Variants in CFAP20DC observed in about 807,000 individuals in gnomAD.
The protein encoded by CFAP20DC is protein CFAP20DC.
Under a neutral mutation model 101.7 loss-of-function variants are expected in CFAP20DC, and 84 were observed. That is an observed-to-expected ratio of 0.83 (90% CI 0.69 to 0.99). CFAP20DC has a LOEUF of 0.99. CFAP20DC is among the 50% of genes least tolerant of loss of function. The pLI, the probability that CFAP20DC is intolerant of heterozygous loss-of-function variation, is 0.00. For synonymous variants in CFAP20DC, 359 were observed against 351.2 expected (o/e 1.02, Z -0.25); for missense variants, 1,007 against 970.3 (o/e 1.04, Z -0.50).
At chr3:58,783,503 T>C (rs2072032372) in intron 15 of CFAP20DC, among the ~76,000 whole-genome samples, 1 of 149,336 alleles carries the variant, frequency 6.7e-6, no homozygotes, top group African/African-American at 2.5e-5. Flanking sequence ...AAAACAAGAG[T>C]GAAGAGACAA....
intron 4 of CFAP20DC, among the ~76,000 whole-genome samples, chr3:59,026,039 A>C (rs1390639015): frequency 1.3e-5 from 2 of 152,160 alleles, no homozygotes; most frequent in Non-Finnish European, 2.9e-5. Flanking sequence ...CATAAAACCT[A>C]TTTTAAGGCA....
In CFAP20DC at chr3:59,006,574, AC is replaced by A. The variant is rs1304379928; in HGVS notation, c.278+32982del. Among the ~76,000 whole-genome samples the A allele has an allele frequency of 1.3e-5, 2 of 152,208 alleles. No homozygotes were observed. The highest frequency in any genetic ancestry group is 2.4e-5 in the African/African-American group (1 of 41,458). On this transcript the variant is annotated intron_variant, in intron 4 of 16. Transcript: ENST00000482387. This position sits in a 1 kb window ranked among gnomAD's most constrained non-coding sequence, Gnocchi z 4.3. ...ATCCAGATCACGGGAGAAGGACTTAACCTTACCTACAGCTAAAACAGATTTG... is the reference window on the plus strand; with the variant it reads ...ATCCAGATCACGGGAGAAGGACTTAACTTACCTACAGCTAAAACAGATTTG...
At chr3:59,037,991 C>G (rs1007159159) in intron 4 of CFAP20DC, among the ~76,000 whole-genome samples, 5 of 152,076 alleles carry the variant, frequency 3.3e-5, no homozygotes, top group South Asian at 2.1e-4. Flanking sequence ...ATGGATGAAG[C>G]TGGAAACCAT....
chr3:58,933,622 T>C (rs2087057990), intron 5 of CFAP20DC, among the ~76,000 whole-genome samples: 1 of 152,076 alleles, frequency 6.6e-6, no homozygotes, highest in Admixed American at 6.6e-5. Flanking sequence ...AGAAACTCAC[T>C]CAAAACCACT....
intron 3 of CFAP20DC, among the ~76,000 whole-genome samples, chr3:58,720,460 G>A (rs184381937): frequency 2.0e-4 from 31 of 152,196 alleles, no homozygotes; most frequent in African/African-American, 7.2e-4. Flanking sequence ...AATACTCCCT[G>A]GGCTCTAAGG....
intron 4 of CFAP20DC, among the ~76,000 whole-genome samples, chr3:58,995,361 T>G (rs548599550): frequency 2.5e-3 from 312 of 122,554 alleles, no homozygotes; most frequent in Middle Eastern, 7.4e-3. Context: ...GAAATGATTG[T>G]CAAAAATATC....
chr3:58,730,459 T>C (rs1445486511), intron 3 of CFAP20DC, among the ~76,000 whole-genome samples: 1 of 152,076 alleles, frequency 6.6e-6, no homozygotes, highest in Non-Finnish European at 1.5e-5. Flanking sequence ...TAAGAAATGA[T>C]GGTGGTAGTG....
chr3:58,978,656 C>A (rs976296798), intron 4 of CFAP20DC, among the ~76,000 whole-genome samples: 1 of 150,674 alleles, frequency 6.6e-6, no homozygotes, highest in African/African-American at 2.5e-5. Context: ...TTGCAGTGGG[C>A]CAAGATCGCC....
intron 12 of CFAP20DC, among the ~76,000 whole-genome samples, chr3:58,854,890 A>C (rs1361717920): frequency 1.4e-5 from 2 of 145,348 alleles, no homozygotes; most frequent in Non-Finnish European, 3.0e-5. Context: ...ACCCTAGAAG[A>C]AAACCTAGGC....
intron 15 of CFAP20DC, among the ~76,000 whole-genome samples, chr3:58,804,163 A>G (rs150012958): frequency 1.3e-3 from 201 of 152,270 alleles, no homozygotes; most frequent in African/African-American, 4.4e-3. Context: ...AGAGCATGCA[A>G]CTCAACTCCT....
intron 4 of CFAP20DC, among the ~76,000 whole-genome samples, chr3:58,957,834 G>C (rs2090778285): frequency 1.3e-5 from 2 of 152,144 alleles, no homozygotes; most frequent in Non-Finnish European, 2.9e-5. Flanking sequence ...TAGAAGGATA[G>C]TTACTAGAGG....
At chr3:58,762,278 T>G (rs949860104) in intron 15 of CFAP20DC, among the ~76,000 whole-genome samples, 1 of 152,212 alleles carries the variant, frequency 6.6e-6, no homozygotes, top group Non-Finnish European at 1.5e-5. Flanking sequence ...ATTGATCCCT[T>G]TACCATTATG....
intron 6 of CFAP20DC, among the ~76,000 whole-genome samples, chr3:58,887,195 A>C (rs956375599): frequency 6.6e-6 from 1 of 152,222 alleles, no homozygotes; most frequent in Admixed American, 6.5e-5. Flanking sequence ...TGTTTTGTCC[A>C]TCCATTCTTT....
At chr3:58,749,163 G>C (rs959923586) in intron 16 of CFAP20DC, among the ~76,000 whole-genome samples, 4 of 152,152 alleles carry the variant, frequency 2.6e-5, no homozygotes, top group African/African-American at 7.2e-5. Flanking sequence ...GGCCAGTAGA[G>C]TCACTCATTC....
At chr3:58,774,516 C>T (rs2071143921) in intron 15 of CFAP20DC, among the ~76,000 whole-genome samples, 1 of 152,110 alleles carries the variant, frequency 6.6e-6, no homozygotes, top group Non-Finnish European at 1.5e-5. Context: ...TAAAGGCACA[C>T]ACAAAAAATC....
At chr3:58,782,181 G>A (rs573384733) in intron 15 of CFAP20DC, among the ~76,000 whole-genome samples, 1 of 151,688 alleles carries the variant, frequency 6.6e-6, no homozygotes, top group Non-Finnish European at 1.5e-5. Context: ...TATGAAGAAT[G>A]AAGGTTTATA....
intron 4 of CFAP20DC, chr3:59,018,433 C>G (rs1402431995): frequency 1.3e-5 from 2 of 151,972 alleles, no homozygotes; most frequent in Non-Finnish European, 2.9e-5. Flanking sequence ...ATGAGAAAAC[C>G]TGGTAGAGAC....
At chr3:59,028,879 G>C (rs2093938584) in intron 4 of CFAP20DC, among the ~76,000 whole-genome samples, 1 of 152,064 alleles carries the variant, frequency 6.6e-6, no homozygotes, top group African/African-American at 2.4e-5. Flanking sequence ...AGACCTGTGA[G>C]GTAAGTATTA....
chr3:58,875,892 A>T (rs1362217456), intron 7 of CFAP20DC, among the ~76,000 whole-genome samples: 1 of 152,148 alleles, frequency 6.6e-6, no homozygotes, highest in Non-Finnish European at 1.5e-5. Context: ...AAATACTTCA[A>T]ATTTCTTAGA....
Sources: gnomAD v4.1 joint callset for allele counts (sites outside exome capture counted in the v4.1 genomes callset) on GRCh38, gnomAD v4.1.1 for gene constraint, Gnocchi (gnomAD v3.1) non-coding constraint, MANE v1.5 for transcripts, NCBI Gene and HGNC (gene_info 2026-07-23, HGNC 2026-07-21) for gene names.